The following SMU1 variants were observed in gnomAD, a reference collection of about 807,000 sequenced individuals.
SMU1 encodes SMU1 DNA replication regulator and spliceosomal factor, also known as WD40 repeat-containing protein SMU1.
In SMU1, 2 loss-of-function variants were observed where a neutral mutation model predicts 62.0. The observed-to-expected ratio is 0.03, with a 90% CI of 0.01 to 0.10. The LOEUF (loss-of-function observed/expected upper bound fraction) is 0.10, where lower values mean the gene tolerates loss of function less well. Ranked by LOEUF, SMU1 falls within the 10% of genes least tolerant of loss-of-function variation. The pLI is 1.00. For missense variants in SMU1, 227 were observed against 622.1 expected (o/e 0.36, Z 6.76); for synonymous variants, 188 against 212.4 (o/e 0.89, Z 1.00).
chr9:33,048,465 A>G (rs1564019033), intron 10 of SMU1, among the ~76,000 whole-genome samples: 1 of 152,242 alleles, frequency 6.6e-6, no homozygotes. Flanking sequence ...TAAGTGGCAG[A>G]CAAAAATTTA....
chr9:33,044,429 A>T lies in SMU1; in HGVS notation c.*2864T>A. On this transcript the variant is annotated 3_prime_UTR_variant, in exon 12 of 12. Transcript: ENST00000397149. ...GCCCTGGACCCAAGATGGGACTCCT[A>T]CCTCCGACCACCCGGAGCAGCGGCG... 6.6e-6 allele frequency: 1 copy of T among 152,294 alleles called. No homozygotes were observed. The highest frequency in any genetic ancestry group is 1.9e-4 in the East Asian group (1 of 5,166). The allele number at this position is 152,294 out of a possible 1,614,324, so 9.4% of individuals were successfully genotyped here. A position where few individuals can be genotyped will look rare whatever the true frequency, so the allele number is the denominator to read the frequency against.
chr9:33,068,775 G>C lies in SMU1; in HGVS notation c.501+49C>G, dbSNP rs1839454431. ...CTGCCTCAGCCTCCCAAAGTGCAAG[G>C]ATGACAGGTGTGAGCCACCACACCT... On this transcript the variant is annotated intron_variant, in intron 4 of 11. Transcript: ENST00000397149. The C allele has an allele frequency of 3.1e-6, 5 of 1,601,626 alleles. No homozygotes were observed. In the African/African-American group the frequency reaches 4.0e-5, roughly 13 times the overall value.
chr9:33,048,301 A>T, intron 10 of SMU1, 43 bp from the exon 11 acceptor site: 1 of 1,610,848 alleles, frequency 6.2e-7, no homozygotes, highest in Non-Finnish European at 8.5e-7. Flanking sequence ...CAGGATTAGT[A>T]GCAGCTCAAC....
chr9:33,074,435 C>CACACACAA (rs1839519944), intron 1 of SMU1, among the ~76,000 whole-genome samples: 1 of 151,052 alleles, frequency 6.6e-6, no homozygotes, highest in Admixed American at 6.6e-5. Context: ...CCCTTCTCTA[C>CACACACAA]ACACACACAC....
In SMU1 at chr9:33,053,301, G is replaced by GA. The variant is rs1839269441; in HGVS notation, c.1123-12dup. 1 of 1,610,794 alleles carries GA rather than the reference G, an allele frequency of 6.2e-7. No homozygotes were observed. Among genetic ancestry groups the GA allele is most frequent in the African/African-American group, 1.3e-5 (1 of 74,754 alleles). ...CTTCATATTCCAGATCTACCACACAGAAATTTAAGTTATAAACCTTTTTTA... is the reference window on the plus strand; with the variant it reads ...CTTCATATTCCAGATCTACCACACAGAAAATTTAAGTTATAAACCTTTTTTA... On this transcript the variant is annotated splice_polypyrimidine_tract_variant and intron_variant, in intron 9 of 11. Transcript: ENST00000397149.
chr9:33,072,854 G>A (rs1286903419), intron 2 of SMU1, among the ~76,000 whole-genome samples: 4 of 145,038 alleles, frequency 2.8e-5, no homozygotes, highest in African/African-American at 7.6e-5. Context: ...AAAAAAACCC[G>A]TAAACAAAAA....
At chr9:33,057,093 G>T in intron 7 of SMU1, 129 bp from the exon 8 acceptor site, 1 of 871,600 alleles carries the variant, frequency 1.1e-6, no homozygotes, top group Non-Finnish European at 1.7e-6. Flanking sequence ...CACGCTAATA[G>T]CTGAATATGA....
chr9:33,047,511 CATAGGAGA>C, intron 11 of SMU1, 120 bp from the exon 12 acceptor site: 3 of 661,992 alleles, frequency 4.5e-6, no homozygotes, highest in Non-Finnish European at 7.6e-6. Flanking sequence ...TTCCAAATGG[CATAGGAGA>C]AAGATGGAGG....
Position 33,054,024 on chromosome 9 carries a change from C to T in SMU1, c.1123-734G>A, listed in dbSNP as rs112780578. On this transcript the variant is annotated intron_variant, in intron 9 of 11. Coordinates refer to ENST00000397149, the MANE Select transcript of SMU1 (RefSeq NM_018225.3). Reference sequence around the variant, plus strand: ...AGGGGGTCGGCCATGGTGGCTCACGCCTGTAATGTCAGCACTTTGGGAAGC... The same window carrying T: ...AGGGGGTCGGCCATGGTGGCTCACGTCTGTAATGTCAGCACTTTGGGAAGC... Among the ~76,000 whole-genome samples the T allele has an allele frequency of 3.3e-3, 497 of 152,276 alleles. 8 individuals carry two copies. The highest frequency in any genetic ancestry group is 0.011 in the African/African-American group (473 of 41,526).
In SMU1 at chr9:33,043,825, G is replaced by A. The variant is rs1448105284; in HGVS notation, c.*3468C>T. 6.6e-6 allele frequency: 1 copy of A among 152,326 alleles called. No homozygotes were observed. Among genetic ancestry groups the A allele is most frequent in the African/African-American group, 2.4e-5 (1 of 41,374 alleles). 9.4% of individuals were successfully genotyped at this position (152,326 alleles called of 1,614,324 possible). ...CACGTCTGGAAACCTGTTTCTTCATGTGCATTTGCGCACCCTCATTACATT... is the reference window on the plus strand; with the variant it reads ...CACGTCTGGAAACCTGTTTCTTCATATGCATTTGCGCACCCTCATTACATT... On this transcript the variant is annotated 3_prime_UTR_variant, in exon 12 of 12. Transcript: ENST00000397149.
At chr9:33,059,763 GC>G (rs1241796232) in intron 6 of SMU1, among the ~76,000 whole-genome samples, 1 of 150,098 alleles carries the variant, frequency 6.7e-6, no homozygotes, top group Non-Finnish European at 1.5e-5. Flanking sequence ...CCACCACCAG[GC>G]CCAGCTAATT....
At chr9:33,062,205 T>A (rs1382708841) in intron 4 of SMU1, 28 bp from the exon 5 acceptor site, 3 of 1,602,108 alleles carry the variant, frequency 1.9e-6, no homozygotes, top group African/African-American at 2.7e-5. Flanking sequence ...AATATAGCAA[T>A]CTGTTCAGGT....
At chr9:33,066,847 CA>C (rs1007763082) in intron 4 of SMU1, among the ~76,000 whole-genome samples, 1 of 151,328 alleles carries the variant, frequency 6.6e-6, no homozygotes, top group Non-Finnish European at 1.5e-5. Context: ...TAAGACCTAC[CA>C]AAAAAATAAG....
chr9:33,057,572 T>C, intron 7 of SMU1, 26 bp downstream of exon 7: 1 of 1,612,178 alleles, frequency 6.2e-7, no homozygotes, highest in Non-Finnish European at 8.5e-7. Context: ...TGTCTACATA[T>C]GAGAGGCTGT....
At chr9:33,074,847 G>A (rs927227220) in intron 1 of SMU1, among the ~76,000 whole-genome samples, 2 of 150,084 alleles carry the variant, frequency 1.3e-5, no homozygotes, top group Admixed American at 1.3e-4. Context: ...GATTGTGGCT[G>A]ACTGCAGCCT....
intron 4 of SMU1, among the ~76,000 whole-genome samples, chr9:33,066,531 G>C (rs1839422051): frequency 8.6e-6 from 1 of 116,926 alleles, no homozygotes; most frequent in Non-Finnish European, 2.0e-5. Flanking sequence ...AAAAAGGCTG[G>C]GTGCGGTGGC....
At chr9:33,055,473 G>A (rs10758183) in intron 9 of SMU1, among the ~76,000 whole-genome samples, 48,274 of 151,470 alleles carry the variant, frequency 0.32, 8,045 homozygotes, top group African/African-American at 0.36. Flanking sequence ...GATTAGGTCC[G>A]GAATGTAAAT....
rs767155687 is a variant in SMU1 at position 33,048,127 on chromosome 9, G to T, written c.1422C>A (p.Gly474=). ...TCACTGTCAAAGTTCTCTCCAGTTTGCCAGTGACTGTACTGAAACAGTAGA... is the reference window on the plus strand; with the variant it reads ...TCACTGTCAAAGTTCTCTCCAGTTTTCCAGTGACTGTACTGAAACAGTAGA... ...FVLYCFSTVT[G]KLERTLTVHE... Residue 474 remains glycine, a synonymous_variant, in exon 11 of 12, where the codon GGC becomes GGA. Coordinates refer to ENST00000397149, the MANE Select transcript of SMU1 (RefSeq NM_018225.3). The T allele has an allele frequency of 6.2e-7, 1 of 1,613,872 alleles. No individual in the cohort carries two copies. The highest frequency in any genetic ancestry group is 1.7e-5 in the Admixed American group (1 of 59,958).
chr9:33,050,750 C>T (rs370753087), intron 10 of SMU1, among the ~76,000 whole-genome samples: 2 of 151,206 alleles, frequency 1.3e-5, no homozygotes, highest in Admixed American at 6.6e-5. Context: ...CGCTCGAACC[C>T]GGGGGCCGGA....
Sources: allele counts gnomAD v4.1 joint callset (sites outside exome capture counted in the v4.1 genomes callset), GRCh38; gene constraint gnomAD v4.1.1; transcripts MANE v1.5; gene names NCBI Gene and HGNC (gene_info 2026-07-23, HGNC 2026-07-21).